CENPS: variants seen among roughly 807,000 people sequenced by gnomAD.
CENPS encodes the protein FANCM associated histone fold protein 1.
A neutral mutation model predicts 17.9 loss-of-function variants in CENPS; 16 were observed. The observed-to-expected ratio is 0.90, with a 90% CI of 0.61 to 1.36. The LOEUF is 1.36. Ranked by LOEUF, CENPS falls within the 40% of genes most tolerant of loss-of-function variation. The probability of loss-of-function intolerance (pLI) is 0.00; values close to 1 mark genes in which losing one functional copy is unlikely to be tolerated. For synonymous variants in CENPS, 49 were observed against 55.8 expected, an observed-to-expected ratio of 0.88 and a Z score of 0.54; for missense variants, 160 against 158.6, an observed-to-expected ratio of 1.01 and a Z score of -0.05.
chr1:10,433,602 C>T (rs1380830643), intron 1 of CENPS, among the ~76,000 whole-genome samples: 2 of 152,342 alleles, frequency 1.3e-5, no homozygotes, highest in East Asian at 1.9e-4. Flanking sequence ...GACTTGCCAT[C>T]TAATTTCTTA....
intron 3 of CENPS, among the ~76,000 whole-genome samples, chr1:10,439,671 G>A (rs568736805): frequency 3.3e-4 from 50 of 152,232 alleles, no homozygotes; most frequent in African/African-American, 1.0e-3. Context: ...AACCCGGGAG[G>A]CGGAGGTTGC....
intron 2 of CENPS, 55 bp downstream of exon 2, chr1:10,434,020 C>T: frequency 6.2e-7 from 1 of 1,609,454 alleles, no homozygotes; most frequent in East Asian, 2.2e-5. Context: ...GTTGATTTCA[C>T]CTGGGAGCAG....
In CENPS at chr1:10,442,537, C is replaced by T. The variant is rs1358875961; in HGVS notation, c.*132C>T. ...AAAATAAAAAGGCTGGGCTAGGGTG[C>T]TTTTTGTGCTGAATTCTCCACATTG... On this transcript the variant is annotated 3_prime_UTR_variant, in exon 5 of 5. Transcript: ENST00000309048. 9.2e-6 allele frequency: 12 copies of T among 1,309,190 alleles called. No homozygotes were observed. The highest frequency in any genetic ancestry group is 1.2e-5 in the Non-Finnish European group (12 of 1,026,116). The allele number at this position is 1,309,190 out of a possible 1,614,324, so 81.1% of individuals were successfully genotyped here.
At chr1:10,430,986 C>G in intron 1 of CENPS, 3 of 1,270,284 alleles carry the variant, frequency 2.4e-6, no homozygotes, top group Non-Finnish European at 2.0e-6. Flanking sequence ...AGGCGTCGAC[C>G]CCTCGTTACT....
chr1:10,435,706 T>TACACACACACACACACACACAC (rs1405520586), intron 3 of CENPS, among the ~76,000 whole-genome samples: 14 of 141,756 alleles, frequency 9.9e-5, no homozygotes, highest in Non-Finnish European at 1.5e-4. Context: ...AAAAATAATA[T>TACACACACACACACACACACAC]ATATATATAT....
At chr1:10,438,802 TA>T (rs1253013857) in intron 3 of CENPS, among the ~76,000 whole-genome samples, 4 of 152,192 alleles carry the variant, frequency 2.6e-5, no homozygotes, top group African/African-American at 9.6e-5. Flanking sequence ...CGTAAACAGA[TA>T]AGTTCACTAT....
At chr1:10,430,728 G>A in intron 1 of CENPS, 160 bp downstream of exon 1, 1 of 1,412,180 alleles carries the variant, frequency 7.1e-7, no homozygotes, top group Non-Finnish European at 9.2e-7. Flanking sequence ...GGGTGGTGCT[G>A]GGAGGCGGTT....
chr1:10,433,583 C>T (rs1640018341), intron 1 of CENPS, among the ~76,000 whole-genome samples: 2 of 152,222 alleles, frequency 1.3e-5, no homozygotes, highest in Admixed American at 1.3e-4. Flanking sequence ...TCTGACCTGT[C>T]TCCCCACTGA....
intron 1 of CENPS, among the ~76,000 whole-genome samples, chr1:10,433,188 A>G (rs141447935): frequency 7.9e-5 from 12 of 152,218 alleles, no homozygotes; most frequent in East Asian, 1.9e-4. Flanking sequence ...TTGTCTTGCA[A>G]TTGAGGCTCA....
At chr1:10,436,168 G>C (rs1386151795) in intron 3 of CENPS, among the ~76,000 whole-genome samples, 1 of 151,252 alleles carries the variant, frequency 6.6e-6, no homozygotes, top group East Asian at 2.0e-4. Context: ...AGTAGAGATG[G>C]CGTTTCACCA....
chr1:10,430,882 T>G, intron 1 of CENPS: 1 of 1,285,300 alleles, frequency 7.8e-7, no homozygotes, highest in Admixed American at 4.1e-5. Flanking sequence ...TCAGATGGGG[T>G]TTTCGTGAGG....
chr1:10,440,547 C>T (rs918300011), intron 4 of CENPS, 134 bp downstream of exon 4: 3 of 1,188,290 alleles, frequency 2.5e-6, no homozygotes, highest in African/African-American at 3.2e-5. Context: ...CCATTCAGAC[C>T]TGCCTGTAAT....
At chr1:10,441,221 T>A (rs552013374) in intron 4 of CENPS, among the ~76,000 whole-genome samples, 2 of 151,860 alleles carry the variant, frequency 1.3e-5, no homozygotes, top group Non-Finnish European at 2.9e-5. Context: ...GCAGTCTCTC[T>A]CTGTTGCCCA....
At position 10,433,875 on chromosome 1, in the gene CENPS, T is replaced by C. The variant is rs1360769801; in HGVS notation, c.85T>C (p.Cys29Arg). The C allele has an allele frequency of 6.2e-7, 1 of 1,614,226 alleles. No individual in the cohort carries two copies. Among genetic ancestry groups the C allele is most frequent in the East Asian group, 2.2e-5 (1 of 44,884 alleles). The change falls in exon 2 of 5, where the codon TGT (cysteine) becomes CGT (arginine). Residue 29 changes from cysteine (C) to arginine (R), a missense_variant. By Grantham distance (180) the Cys-to-Arg change is radical. Transcript: ENST00000309048. ...GGCAGCAGTTCACTATACTGTGGGT[T>C]GTCTTTGCGAGGAAGTTGCATTGGA... The part of the protein sequence containing the change: ...LKAAVHYTVG[C>R]LCEEVALDKE...
intron 3 of CENPS, among the ~76,000 whole-genome samples, chr1:10,437,519 C>T (rs1356860021): frequency 5.5e-5 from 8 of 145,266 alleles, no homozygotes; most frequent in African/African-American, 1.5e-4. Flanking sequence ...TGCCATGGCG[C>T]GATCTCAACT....
At position 10,442,570 on chromosome 1, in the gene CENPS, C is replaced by A. The variant is rs1296066086; in HGVS notation, c.*165C>A. The A allele has an allele frequency of 1.7e-6, 2 of 1,182,320 alleles. No individual in the cohort carries two copies. The highest frequency in any genetic ancestry group is 2.2e-6 in the Non-Finnish European group (2 of 925,018). 73.2% of individuals were successfully genotyped at this position (1,182,320 alleles called of 1,614,324 possible). On this transcript the variant is annotated 3_prime_UTR_variant, in exon 5 of 5. Transcript: ENST00000309048. The stretch of plus-strand genomic sequence containing the variant: ...GCTGAATTCTCCACATTGTTAACTG[C>A]CAAAGCTAGTTTTAGAGAATGAGAA...
At chr1:10,440,174 G>C in intron 3 of CENPS, 173 bp from the exon 4 acceptor site, 1 of 798,056 alleles carries the variant, frequency 1.3e-6, no homozygotes, top group Non-Finnish European at 1.9e-6. Flanking sequence ...CTTAATTGGG[G>C]TCTTAGGAAC....
rs766620286 is a variant in CENPS at position 10,433,864 on chromosome 1, A to G, written c.74A>G (p.Tyr25Cys). 1.1e-5 allele frequency: 17 copies of G among 1,614,072 alleles called. No individual in the cohort carries two copies. Among genetic ancestry groups the G allele is most frequent in the Non-Finnish European group, 1.4e-5 (17 of 1,180,040 alleles). ...CAGAGGCTAAAGGCAGCAGTTCACT[A>G]TACTGTGGGTTGTCTTTGCGAGGAA... ...YQQRLKAAVH[Y>C]TVGCLCEEVA... The change falls in exon 2 of 5, where the codon TAT becomes TGT. Residue 25 changes from tyrosine (Y) to cysteine (C), a missense_variant. Tyr to Cys is a radical substitution (Grantham distance 194, BLOSUM62 -2). Coordinates refer to ENST00000309048, the MANE Select transcript of CENPS (RefSeq NM_199294.3).
chr1:10,431,197 G>T lies in CENPS; in HGVS notation c.51+629G>T. ...TCCTTTCATCAGCGCCGGGCATATG[G>T]GGCGTCAGAGGCTGAGAACGTTGCC... is the stretch of plus-strand genomic sequence containing the variant. On this transcript the variant is annotated intron_variant, in intron 1 of 4. Transcript: ENST00000309048. 3 of 1,500,824 alleles carry T rather than the reference G, an allele frequency of 2.0e-6. No homozygotes were observed. In the South Asian group the frequency reaches 3.8e-5, roughly 19 times the overall value. 93.0% of individuals were successfully genotyped at this position (1,500,824 alleles called of 1,614,324 possible). A position where few individuals can be genotyped will look rare whatever the true frequency, so the allele number is the denominator to read the frequency against.
Sources: allele counts gnomAD v4.1 joint callset (sites outside exome capture counted in the v4.1 genomes callset), GRCh38; gene constraint gnomAD v4.1.1; transcripts MANE v1.5; gene names NCBI Gene and HGNC (gene_info 2026-07-23, HGNC 2026-07-21).